The following UPRT variants were observed in gnomAD, a reference collection of about 807,000 sequenced individuals.
UPRT encodes the protein RP11-311P8.3.
In UPRT, 5 loss-of-function variants were observed where a neutral mutation model predicts 22.6. The observed-to-expected ratio is 0.22, with a 90% CI of 0.12 to 0.47. The LOEUF is 0.47. Among genes scored for constraint, UPRT ranks in the 20% least tolerant of loss-of-function variants. The pLI, the probability that UPRT is intolerant of heterozygous loss-of-function variation, is 0.99. For missense variants in UPRT, 181 were observed against 239.9 expected, an observed-to-expected ratio of 0.75 and a Z score of 1.62; for synonymous variants, 77 against 87.7, an observed-to-expected ratio of 0.88 and a Z score of 0.68.
intron 4 of UPRT, among the ~76,000 whole-genome samples, chrX:75,243,658 A>G (rs1377439127): frequency 9.0e-6 from 1 of 111,598 alleles, no homozygotes; most frequent in East Asian, 2.8e-4. Context: ...AGGTAAATGT[A>G]TGCATAAATG....
At chrX:75,220,207 T>C (rs1307647499) in intron 4 of UPRT, among the ~76,000 whole-genome samples, 1 of 111,664 alleles carries the variant, frequency 9.0e-6, no homozygotes, top group African/African-American at 3.2e-5. Flanking sequence ...ATCTATTTTT[T>C]TTCTGATATA....
At chrX:75,260,373 C>T (rs747448491) in intron 4 of UPRT, among the ~76,000 whole-genome samples, 7 of 111,591 alleles carry the variant, frequency 6.3e-5, no homozygotes, top group East Asian at 2.8e-4. Flanking sequence ...CACGTGCAGA[C>T]GCACATAGGT....
At chrX:75,185,657 CT>C (rs775132804) in intron 4 of UPRT, among the ~76,000 whole-genome samples, 1 of 111,744 alleles carries the variant, frequency 8.9e-6, no homozygotes, top group East Asian at 2.8e-4. Context: ...GTCCTGGACT[CT>C]TTTTTGTTGG....
chrX:75,186,847 C>T (rs1370728569), intron 4 of UPRT, among the ~76,000 whole-genome samples: 1 of 111,383 alleles, frequency 9.0e-6, no homozygotes, highest in African/African-American at 3.3e-5. Flanking sequence ...ATTGCAACCC[C>T]TGTCTTTTTT....
rs1434972869 is a variant in UPRT, at chrX:75,299,890, A to G, written c.718A>G (p.Ile240Val). 3 of 1,208,687 alleles carry G rather than the reference A, an allele frequency of 2.5e-6. No homozygotes were observed. The highest frequency in any genetic ancestry group is 3.0e-5 in the East Asian group (1 of 33,769). The change falls in exon 5 of 7, where the codon ATT (isoleucine) becomes GTT (valine). Residue 240 changes from isoleucine to valine, a missense_variant. Physicochemically the swap from Ile to Val is conservative, Grantham distance 29. Around this residue, in one of 2 missense-constraint regions of UPRT, gnomAD observed 70 missense variants for 137.0 expected, o/e 0.51. Coordinates refer to ENST00000373383, the MANE Select transcript of UPRT (RefSeq NM_145052.4). ...YRRKVLLMYP[I>V]LSTGNTVIEA... is the part of the protein sequence containing the mutation. ...GAGAAAAGTCCTTCTGATGTATCCA[A>G]TTCTCAGTGAGTGGCTTCCATTTGT...
intron 1 of UPRT, among the ~76,000 whole-genome samples, chrX:75,158,063 C>T (rs2082188176): frequency 8.9e-6 from 1 of 112,168 alleles, no homozygotes; most frequent in Admixed American, 9.5e-5. Flanking sequence ...AAAAGTAGTG[C>T]TCATTGTAAG....
At chrX:75,156,499 G>A (rs1217788956) in exon 1 of UPRT, among the ~76,000 whole-genome samples, 1 of 111,645 alleles carries the variant, frequency 9.0e-6, no homozygotes, top group East Asian at 2.8e-4. Context: ...GAGTAACACT[G>A]TATTTTTCTC....
intron 4 of UPRT, among the ~76,000 whole-genome samples, chrX:75,238,069 A>G (rs1156837285): frequency 9.0e-6 from 1 of 111,563 alleles, no homozygotes; most frequent in Non-Finnish European, 1.9e-5. Flanking sequence ...ATAATACAAT[A>G]AGAAAAACAA....
intron 4 of UPRT, among the ~76,000 whole-genome samples, chrX:75,247,811 G>A (rs2082512282): frequency 8.9e-6 from 1 of 112,089 alleles, no homozygotes; most frequent in Non-Finnish European, 1.9e-5. Flanking sequence ...AGCCTAACTA[G>A]GAGGCACCCC....
At chrX:75,237,928 C>A (rs955855408) in intron 4 of UPRT, among the ~76,000 whole-genome samples, 1 of 109,777 alleles carries the variant, frequency 9.1e-6, no homozygotes, top group Non-Finnish European at 1.9e-5. Flanking sequence ...TGCACATGTA[C>A]CCTAAAAGTT....
intron 4 of UPRT, among the ~76,000 whole-genome samples, chrX:75,169,142 G>C (rs2082220265): frequency 8.9e-6 from 1 of 112,144 alleles, no homozygotes; most frequent in Admixed American, 9.5e-5. Context: ...GTATTCCACA[G>C]TGTATATATA....
At chrX:75,237,309 G>A (rs1344395064) in intron 4 of UPRT, among the ~76,000 whole-genome samples, 1 of 111,862 alleles carries the variant, frequency 8.9e-6, no homozygotes, top group African/African-American at 3.3e-5. Flanking sequence ...ACAGGTGTTG[G>A]AGAGGATGTG....
intron 4 of UPRT, among the ~76,000 whole-genome samples, chrX:75,254,529 AT>A (rs1379471758): frequency 9.8e-5 from 11 of 112,002 alleles, no homozygotes; most frequent in Non-Finnish European, 1.5e-4. Flanking sequence ...GTCCGGCATT[AT>A]GTCAAACAAC....
rs753859231 is a variant in UPRT at position 75,243,556 on chromosome X, G to A, written c.-446-47468G>A. On this transcript the variant is annotated intron_variant, in intron 4 of 13. Coordinates refer to the UPRT transcript ENST00000652605. ...AATTATAAAACACCAAATTTAAGGT[G>A]TTATGATTAGTCATTAGTGAATTTT... is the stretch of plus-strand genomic sequence containing the variant. 2.7e-5 allele frequency among the ~76,000 whole-genome samples: 3 copies of A among 111,882 alleles called. No homozygotes were observed. The South Asian group carries it at 1.1e-3, about 41-fold the overall frequency.
intron 4 of UPRT, among the ~76,000 whole-genome samples, chrX:75,183,715 C>G (rs1008670391): frequency 5.3e-5 from 6 of 112,284 alleles, no homozygotes; most frequent in African/African-American, 1.9e-4. Flanking sequence ...GATTGCCATT[C>G]TAACTGGTGT....
intron 4 of UPRT, among the ~76,000 whole-genome samples, chrX:75,209,440 C>A (rs2082374765): frequency 9.0e-6 from 1 of 111,691 alleles, no homozygotes; most frequent in South Asian, 3.8e-4. Flanking sequence ...ATGGCATGAT[C>A]TCAGCTCACT....
intron 3 of UPRT, 93 bp downstream of exon 3, chrX:75,296,504 A>G (rs1185681393): frequency 5.2e-6 from 4 of 772,838 alleles, no homozygotes; most frequent in Non-Finnish European, 7.6e-6. Flanking sequence ...TAAAATAAAT[A>G]TGCAAAATGA....
intron 4 of UPRT, among the ~76,000 whole-genome samples, chrX:75,245,272 A>C (rs1446011816): frequency 9.2e-6 from 1 of 109,135 alleles, no homozygotes; most frequent in Non-Finnish European, 1.9e-5. Context: ...AAAGTAAAAA[A>C]AAAAAAAAAA....
At chrX:75,209,636 G>A (rs765535703) in intron 4 of UPRT, among the ~76,000 whole-genome samples, 14 of 112,574 alleles carry the variant, frequency 1.2e-4, no homozygotes, top group African/African-American at 4.5e-4. Context: ...GCCTCCCAAA[G>A]TGCTGGAATT....
Sources: allele counts gnomAD v4.1 joint callset (sites outside exome capture counted in the v4.1 genomes callset), GRCh38; gene constraint gnomAD v4.1.1; regional missense constraint gnomAD v4.1.1; transcripts MANE v1.5; gene names NCBI Gene and HGNC (gene_info 2026-07-23, HGNC 2026-07-21).